MEI4: variants seen among roughly 807,000 people sequenced by gnomAD.
MEI4 encodes meiotic double-stranded break formation protein 4.
A neutral mutation model predicts 31.4 loss-of-function variants in MEI4; 27 were observed. That is an observed-to-expected ratio of 0.86 (90% CI 0.63 to 1.19). MEI4 has a LOEUF of 1.19. Ranked by LOEUF, MEI4 falls within the 50% of genes most tolerant of loss-of-function variation. The probability of loss-of-function intolerance (pLI) is 0.00; values close to 1 mark genes in which losing one functional copy is unlikely to be tolerated. For missense variants in MEI4, 329 were observed against 398.9 expected (o/e 0.82, Z 1.49); for synonymous variants, 122 against 145.4 (o/e 0.84, Z 1.16).
chr6:77,667,957 T>TA (rs148856293), intron 1 of MEI4, among the ~76,000 whole-genome samples: 13,302 of 139,604 alleles, frequency 0.095, 700 homozygotes, highest in East Asian at 0.22. Flanking sequence ...AGATCTAGCT[T>TA]AAAAAAAAAA....
chr6:77,688,954 T>C (rs376646700), intron 1 of MEI4, among the ~76,000 whole-genome samples: 1 of 152,204 alleles, frequency 6.6e-6, no homozygotes, highest in African/African-American at 2.4e-5. Flanking sequence ...GGAGCTATAA[T>C]TCTAATTAGT....
chr6:77,811,242 G>A (rs1314958008), intron 3 of MEI4, among the ~76,000 whole-genome samples: 7 of 152,102 alleles, frequency 4.6e-5, no homozygotes, highest in African/African-American at 1.4e-4. Context: ...TTTATTTGCT[G>A]TGTGACCTTG....
chr6:77,801,246 T>A (rs1769247647), intron 3 of MEI4, among the ~76,000 whole-genome samples: 1 of 152,228 alleles, frequency 6.6e-6, no homozygotes, highest in African/African-American at 2.4e-5. Context: ...AAGGAATTTA[T>A]CCATTTCTTC....
intron 4 of MEI4, among the ~76,000 whole-genome samples, chr6:77,839,496 A>G (rs1770305687): frequency 6.6e-6 from 1 of 152,138 alleles, no homozygotes; most frequent in Non-Finnish European, 1.5e-5. Flanking sequence ...CTCACCCCTG[A>G]CCTGTGTGAG....
intron 3 of MEI4, among the ~76,000 whole-genome samples, chr6:77,821,684 A>T (rs1037153161): frequency 1.3e-5 from 2 of 151,432 alleles, no homozygotes; most frequent in African/African-American, 4.9e-5. Flanking sequence ...ACTTCCAGCT[A>T]CTCAGGAGGC....
chr6:77,831,546 C>A (rs1441941559), intron 4 of MEI4, among the ~76,000 whole-genome samples: 1 of 150,876 alleles, frequency 6.6e-6, no homozygotes, highest in Non-Finnish European at 1.5e-5. Flanking sequence ...ATATTCCTCT[C>A]TCTCTATATA....
At chr6:77,744,373 T>C (rs956652720) in intron 2 of MEI4, among the ~76,000 whole-genome samples, 10 of 151,804 alleles carry the variant, frequency 6.6e-5, no homozygotes, top group Non-Finnish European at 1.2e-4. Flanking sequence ...GTATCAGTGA[T>C]GGAAGATGAA....
At chr6:77,802,826 T>A (rs1038074745) in intron 3 of MEI4, among the ~76,000 whole-genome samples, 1 of 152,246 alleles carries the variant, frequency 6.6e-6, no homozygotes, top group Non-Finnish European at 1.5e-5. Flanking sequence ...TTGTAGAGTT[T>A]CTGCTGAGAC....
chr6:77,788,155 A>G (rs191572853), intron 3 of MEI4, among the ~76,000 whole-genome samples: 2 of 152,362 alleles, frequency 1.3e-5, no homozygotes, highest in African/African-American at 4.8e-5. Flanking sequence ...CAAAAACCAC[A>G]TGATTATCTC....
intron 4 of MEI4, 73 bp downstream of exon 4, chr6:77,829,135 T>G (rs1770021468): frequency 9.2e-7 from 1 of 1,090,304 alleles, no homozygotes; most frequent in African/African-American, 1.6e-5. Context: ...TTTTCCCTTC[T>G]TTCTTCTCTT....
chr6:77,880,978 A>G (rs917585017), intron 4 of MEI4, among the ~76,000 whole-genome samples: 1 of 152,040 alleles, frequency 6.6e-6, no homozygotes, highest in African/African-American at 2.4e-5. Flanking sequence ...AATAATGATT[A>G]GTGTATTTTT....
chr6:77,738,143 C>G (rs771089056), intron 2 of MEI4, among the ~76,000 whole-genome samples: 2 of 152,068 alleles, frequency 1.3e-5, no homozygotes, highest in African/African-American at 2.4e-5. Context: ...AGGATGGTTT[C>G]GGAGAGAAAG....
intron 3 of MEI4, among the ~76,000 whole-genome samples, chr6:77,819,516 T>C (rs912903943): frequency 3.3e-5 from 5 of 152,166 alleles, no homozygotes; most frequent in Admixed American, 1.3e-4. Flanking sequence ...TAATTTACTT[T>C]AATCTGATTA....
chr6:77,806,296 G>C (rs1769434198), intron 3 of MEI4, among the ~76,000 whole-genome samples: 1 of 152,034 alleles, frequency 6.6e-6, no homozygotes, highest in African/African-American at 2.4e-5. Flanking sequence ...TCTACTCTGG[G>C]AGGCTGAAGT....
chr6:77,689,490 ATAGT>A lies in MEI4; in HGVS notation c.-14-1161_-14-1158del, dbSNP rs553942858. 7.0e-3 allele frequency among the ~76,000 whole-genome samples: 1,062 copies of A among 152,138 alleles called. 13 individuals carry two copies. The highest frequency in any genetic ancestry group is 0.024 in the African/African-American group (1,000 of 41,542). ...TCAGTGCCAAATTACAGGATATCAG[ATAGT>A]TAGTTACACATCGCTGTGGGTGGGA... On this transcript the variant is annotated intron_variant, in intron 1 of 4. Coordinates refer to ENST00000684080, the MANE Select transcript of MEI4 (RefSeq NM_001322247.2).
chr6:77,834,479 A>G (rs117537170), intron 4 of MEI4, among the ~76,000 whole-genome samples: 4,873 of 150,394 alleles, frequency 0.032, 122 homozygotes, highest in South Asian at 0.082. Context: ...ATTTTATAAT[A>G]TAATTTTGAG....
At chr6:77,692,985 A>G (rs918482918) in intron 2 of MEI4, among the ~76,000 whole-genome samples, 3 of 152,074 alleles carry the variant, frequency 2.0e-5, no homozygotes, top group African/African-American at 7.2e-5. Flanking sequence ...GGAAGCCTGC[A>G]GATTCCAATA....
At chr6:77,785,021 T>G (rs1030814665) in intron 3 of MEI4, among the ~76,000 whole-genome samples, 1 of 152,126 alleles carries the variant, frequency 6.6e-6, no homozygotes, top group Non-Finnish European at 1.5e-5. Context: ...TACTTCCCTT[T>G]ATGACATAAT....
chr6:77,774,334 A>T (rs1014170706), intron 3 of MEI4, among the ~76,000 whole-genome samples: 4 of 152,126 alleles, frequency 2.6e-5, no homozygotes, highest in African/African-American at 9.7e-5. Flanking sequence ...TCAGCCGTAA[A>T]AAAAGAATGA....
Sources: allele counts gnomAD v4.1 joint callset (sites outside exome capture counted in the v4.1 genomes callset), GRCh38; gene constraint gnomAD v4.1.1; transcripts MANE v1.5; gene names NCBI Gene and HGNC (gene_info 2026-07-23, HGNC 2026-07-21).